Variants in RELN observed in about 807,000 individuals in gnomAD.
The protein encoded by RELN is reelin.
RELN carries 108 observed loss-of-function variants against 427.6 expected under a neutral mutation model. The observed-to-expected ratio is 0.25, with a 90% confidence interval of 0.22 to 0.30. The LOEUF (loss-of-function observed/expected upper bound fraction) is 0.30, where lower values mean the gene tolerates loss of function less well. Among genes scored for constraint, RELN ranks in the 10% least tolerant of loss-of-function variants. RELN has a pLI of 1.00. For missense variants in RELN, 3,715 were observed against 4,302.8 expected, an observed-to-expected ratio of 0.86 and a Z score of 3.82; for synonymous variants, 1,524 against 1,513.4, an observed-to-expected ratio of 1.01 and a Z score of -0.16.
intron 1 of RELN, among the ~76,000 whole-genome samples, chr7:103,974,084 G>C (rs1796820142): frequency 6.6e-6 from 1 of 152,180 alleles, no homozygotes; most frequent in African/African-American, 2.4e-5. Flanking sequence ...TGGAGGTTGA[G>C]GTGAGCCGAG....
At chr7:103,786,309 A>G (rs182150720) in intron 3 of RELN, among the ~76,000 whole-genome samples, 8 of 152,008 alleles carry the variant, frequency 5.3e-5, no homozygotes, top group African/African-American at 1.9e-4. Flanking sequence ...AAAGTTGTTT[A>G]AAAAATTGCT....
At chr7:103,773,165 TTTTTC>T in intron 4 of RELN, among the ~76,000 whole-genome samples, 1 of 120,424 alleles carries the variant, frequency 8.3e-6, no homozygotes, top group African/African-American at 3.0e-5. Context: ...TCTTTCTTTC[TTTTTC>T]TTTCTTTCCT....
intron 3 of RELN, among the ~76,000 whole-genome samples, chr7:103,792,210 C>A (rs1463265901): frequency 6.6e-6 from 1 of 152,046 alleles, no homozygotes; most frequent in Admixed American, 6.6e-5. Flanking sequence ...ATTCCACTTG[C>A]AGTTGTATAC....
At chr7:103,794,675 C>CAG (rs1276909168) in intron 3 of RELN, among the ~76,000 whole-genome samples, 2 of 152,152 alleles carry the variant, frequency 1.3e-5, no homozygotes, top group Non-Finnish European at 2.9e-5. Context: ...ACTGAACAGG[C>CAG]AGAGCTTCTC....
intron 22 of RELN, among the ~76,000 whole-genome samples, chr7:103,607,421 G>C (rs990684218): frequency 6.6e-6 from 1 of 152,104 alleles, no homozygotes; most frequent in Non-Finnish European, 1.5e-5. Context: ...GATCTGCAGC[G>C]GTATCATTGC....
chr7:103,510,882 G>C lies in RELN; in HGVS notation c.8243C>G (p.Thr2748Ser). The change falls in exon 51 of 65, where the codon ACT (threonine) becomes AGT (serine). Residue 2748 changes from threonine (T) to serine (S), a missense_variant. Physicochemically the swap from Thr to Ser is moderately conservative, Grantham distance 58 (BLOSUM62 1). Around this residue, in one of 4 missense-constraint regions of RELN, gnomAD observed 1,310 missense variants for 1,643.0 expected, o/e 0.80. Coordinates refer to ENST00000428762, the MANE Select transcript of RELN (RefSeq NM_005045.4). ...TTGCATAATCCAGCCTTCAGTGGGAGTCAGGTCATGGGTCACTGCATACAC... is the reference window on the plus strand; with the variant it reads ...TTGCATAATCCAGCCTTCAGTGGGACTCAGGTCATGGGTCACTGCATACAC... ...REVYAVTHDL[T>S]PTEGWIMQFK... 1 of 1,613,626 alleles carries C rather than the reference G, an allele frequency of 6.2e-7. No individual in the cohort carries two copies. The highest frequency in any genetic ancestry group is 8.5e-7 in the Non-Finnish European group (1 of 1,179,660).
intron 18 of RELN, among the ~76,000 whole-genome samples, chr7:103,635,862 T>C (rs984486752): frequency 6.6e-6 from 1 of 152,220 alleles, no homozygotes; most frequent in South Asian, 2.1e-4. Context: ...TGCCAATCAC[T>C]TCTTTACTGC....
intron 1 of RELN, among the ~76,000 whole-genome samples, chr7:103,966,563 TG>T (rs1796665160): frequency 6.6e-6 from 1 of 152,208 alleles, no homozygotes; most frequent in South Asian, 2.1e-4. Flanking sequence ...TGTAATGGAA[TG>T]TTTTGCATAT....
Position 103,988,678 on chromosome 7 carries a change from C to T in RELN, c.226+453G>A, listed in dbSNP as rs2116858658. On this transcript the variant is annotated intron_variant, in intron 1 of 64. Coordinates refer to ENST00000428762, the MANE Select transcript of RELN (RefSeq NM_005045.4). This position sits in a 1 kb window ranked among gnomAD's most constrained non-coding sequence, Gnocchi z 4.9. The stretch of plus-strand genomic sequence containing the variant: ...GGGGCAGCCACAGACCTGGGCGCTT[C>T]AATCTGTCACCAGCCTGCCCGCAAA... Among the ~76,000 whole-genome samples the T allele has an allele frequency of 6.6e-6, 1 of 152,310 alleles. No individual in the cohort carries two copies. Among genetic ancestry groups the T allele is most frequent in the South Asian group, 2.1e-4 (1 of 4,824 alleles).
At chr7:103,505,045 T>C (rs1189478967) in intron 51 of RELN, among the ~76,000 whole-genome samples, 1 of 152,118 alleles carries the variant, frequency 6.6e-6, no homozygotes, top group Non-Finnish European at 1.5e-5. Context: ...AGGGCATCTC[T>C]GAAAAAAAGG....
At position 103,989,398 on chromosome 7, in the gene RELN, C is replaced by G; in HGVS notation, c.-42G>C. Reference sequence around the variant, plus strand: ...CCGCCGCCGCGCGCCCTACGCGCCGCTCGCTCATTCAGTTTTGGAGACGCC... The same window carrying G: ...CCGCCGCCGCGCGCCCTACGCGCCGGTCGCTCATTCAGTTTTGGAGACGCC... On this transcript the variant is annotated 5_prime_UTR_variant, in exon 1 of 65. Transcript: ENST00000428762. This position sits in a 1 kb window ranked among gnomAD's most constrained non-coding sequence, Gnocchi z 4.9. 1.5e-6 allele frequency: 2 copies of G among 1,357,850 alleles called. No homozygotes were observed. Among genetic ancestry groups the G allele is most frequent in the Non-Finnish European group, 9.5e-7 (1 of 1,054,032 alleles). The allele number at this position is 1,357,850 out of a possible 1,614,324, so 84.1% of individuals were successfully genotyped here. A position where few individuals can be genotyped will look rare whatever the true frequency, so the allele number is the denominator to read the frequency against.
At chr7:103,529,951 A>C (rs943945580) in intron 46 of RELN, among the ~76,000 whole-genome samples, 2 of 151,938 alleles carry the variant, frequency 1.3e-5, no homozygotes, top group Non-Finnish European at 2.9e-5. Flanking sequence ...GTTATTCTGA[A>C]TCTTCTCTCT....
At chr7:103,981,569 G>A (rs945607220) in intron 1 of RELN, among the ~76,000 whole-genome samples, 2 of 152,188 alleles carry the variant, frequency 1.3e-5, no homozygotes, top group African/African-American at 2.4e-5. Flanking sequence ...ACATCTGTGT[G>A]TTTAGATGAA....
rs189777380 is a variant in RELN at position 103,712,355 on chromosome 7, C to T, written c.805+10785G>A. Among the ~76,000 whole-genome samples the T allele has an allele frequency of 4.7e-4, 72 of 152,164 alleles. 1 individual carries two copies. In the East Asian group the frequency reaches 0.011, roughly 22 times the overall value. ...GCATAACAAACAGTATAAAGAATAG[C>T]GTGATTTGATATAAAATCAAAGCCA... On this transcript the variant is annotated intron_variant, in intron 8 of 64. Coordinates refer to ENST00000428762, the MANE Select transcript of RELN (RefSeq NM_005045.4).
chr7:103,582,190 G>T (rs1267299047), intron 28 of RELN, among the ~76,000 whole-genome samples: 1 of 152,210 alleles, frequency 6.6e-6, no homozygotes, highest in African/African-American at 2.4e-5. Flanking sequence ...AGGTGTTCAG[G>T]ATGGCAGAGC....
intron 20 of RELN, among the ~76,000 whole-genome samples, chr7:103,619,118 A>G (rs1406720251): frequency 6.6e-6 from 1 of 152,000 alleles, no homozygotes; most frequent in Non-Finnish European, 1.5e-5. Flanking sequence ...CAAATTAAAA[A>G]AAAAAAAATT....
At chr7:103,540,002 T>G (rs923892113) in intron 44 of RELN, among the ~76,000 whole-genome samples, 195 bp downstream of exon 44, 24 of 152,358 alleles carry the variant, frequency 1.6e-4, no homozygotes, top group African/African-American at 5.1e-4. Flanking sequence ...TTTTATAAGC[T>G]TAGGCAACTG....
Position 103,942,065 on chromosome 7 carries a change from G to A in RELN, c.227-24880C>T, listed in dbSNP as rs116063592. Among the ~76,000 whole-genome samples, 603 of 152,038 alleles carry A rather than the reference G, an allele frequency of 4.0e-3. 5 individuals carry two copies. The highest frequency in any genetic ancestry group is 0.014 in the African/African-American group (573 of 41,470). ...TTTACACACTATACATTTTCATAAAGCAAAAACTAAATTTGTGCCTATAAC... is the reference window on the plus strand; with the variant it reads ...TTTACACACTATACATTTTCATAAAACAAAAACTAAATTTGTGCCTATAAC... On this transcript the variant is annotated intron_variant, in intron 1 of 64. Transcript: ENST00000428762.
chr7:103,665,078 A>G (rs535900400), intron 11 of RELN, among the ~76,000 whole-genome samples: 1 of 152,142 alleles, frequency 6.6e-6, no homozygotes, highest in African/African-American at 2.4e-5. Context: ...TGCTTTTCAC[A>G]TTTAGGTGGT....
Sources: allele counts gnomAD v4.1 joint callset (sites outside exome capture counted in the v4.1 genomes callset), GRCh38; gene constraint gnomAD v4.1.1; regional missense constraint gnomAD v4.1.1; non-coding constraint Gnocchi (gnomAD v3.1); transcripts MANE v1.5; gene names NCBI Gene and HGNC (gene_info 2026-07-23, HGNC 2026-07-21).